The following LHFPL6 variants were observed in gnomAD, a reference collection of about 807,000 sequenced individuals.
LHFPL6 encodes the protein LHFPL tetraspan subfamily member 6 protein.
In LHFPL6, 9 loss-of-function variants were observed where a neutral mutation model predicts 20.6. The ratio of observed to expected loss-of-function variants is 0.44; its 90% CI spans 0.26 to 0.76. The LOEUF (loss-of-function observed/expected upper bound fraction) is 0.76, where lower values mean the gene tolerates loss of function less well. Among genes scored for constraint, LHFPL6 ranks in the 30% least tolerant of loss-of-function variants. The pLI is 0.20. For synonymous variants in LHFPL6, 105 were observed against 98.7 expected, an observed-to-expected ratio of 1.06 and a Z score of -0.38; for missense variants, 218 against 253.5, an observed-to-expected ratio of 0.86 and a Z score of 0.95.
chr13:39,486,364 T>C (rs987794304), intron 2 of LHFPL6, among the ~76,000 whole-genome samples: 2 of 152,162 alleles, frequency 1.3e-5, no homozygotes, highest in Admixed American at 6.5e-5. Flanking sequence ...GAGATAGTAA[T>C]GTTTTTGCTA....
At chr13:39,591,510 C>T (rs1406906606) in intron 2 of LHFPL6, among the ~76,000 whole-genome samples, 1 of 152,192 alleles carries the variant, frequency 6.6e-6, no homozygotes, top group African/African-American at 2.4e-5. Flanking sequence ...AATCACATCA[C>T]CCCCAAAATG....
chr13:39,513,486 A>G (rs1248398884), intron 2 of LHFPL6, among the ~76,000 whole-genome samples: 1 of 152,240 alleles, frequency 6.6e-6, no homozygotes, highest in Non-Finnish European at 1.5e-5. Flanking sequence ...TTGAAGGCTA[A>G]AACTATACAA....
chr13:39,523,364 T>C (rs1011020293), intron 2 of LHFPL6, among the ~76,000 whole-genome samples: 4 of 152,078 alleles, frequency 2.6e-5, no homozygotes, highest in South Asian at 2.1e-4. Flanking sequence ...GGTCAGGAGA[T>C]GGAGACCATC....
At position 39,432,412 on chromosome 13, in the gene LHFPL6, T is replaced by C. The variant is rs1041414607; in HGVS notation, c.386-53886A>G. 4.6e-5 allele frequency among the ~76,000 whole-genome samples: 7 copies of C among 152,166 alleles called. No individual in the cohort carries two copies. The East Asian group carries it at 1.4e-3, about 29-fold the overall frequency. ...CTCTGACCTCACATTCTACACATGC[T>C]ACCTTCCCTGCTGTCTCCCCTCAAT... On this transcript the variant is annotated intron_variant, in intron 2 of 3. Coordinates refer to ENST00000379589, the MANE Select transcript of LHFPL6 (RefSeq NM_005780.3).
rs530171405 is a variant in LHFPL6, at chr13:39,569,372, T to C, written c.385+31460A>G. 4.6e-4 allele frequency among the ~76,000 whole-genome samples: 70 copies of C among 152,318 alleles called. 1 individual carries two copies. Among genetic ancestry groups the C allele is most frequent in the East Asian group, 7.7e-4 (4 of 5,190 alleles). ...TGACAAGGACTTCAGCAAGCATAAATAGGCTAGATAGCCAGGTCTTGGAAC... is the reference window on the plus strand; with the variant it reads ...TGACAAGGACTTCAGCAAGCATAAACAGGCTAGATAGCCAGGTCTTGGAAC... On this transcript the variant is annotated intron_variant, in intron 2 of 3. Transcript: ENST00000379589.
At chr13:39,561,412 G>A (rs563516368) in intron 2 of LHFPL6, among the ~76,000 whole-genome samples, 1 of 152,140 alleles carries the variant, frequency 6.6e-6, no homozygotes, top group South Asian at 2.1e-4. Flanking sequence ...TTTGGACTTT[G>A]ACGAGAACCT....
chr13:39,363,459 A>G (rs1230536461), intron 3 of LHFPL6, among the ~76,000 whole-genome samples: 1 of 152,166 alleles, frequency 6.6e-6, no homozygotes, highest in Non-Finnish European at 1.5e-5. Context: ...TTGTAGTTCA[A>G]AAGCAACCAC....
At chr13:39,436,750 CA>C (rs1871968452) in intron 2 of LHFPL6, among the ~76,000 whole-genome samples, 1 of 152,252 alleles carries the variant, frequency 6.6e-6, no homozygotes, top group Admixed American at 6.5e-5. Context: ...GCAGGTTACA[CA>C]TCAATATCAC....
rs2138359725 is a variant in LHFPL6, at chr13:39,378,514, C to T, written c.398G>A (p.Gly133Asp). The T allele has an allele frequency of 6.2e-7, 1 of 1,613,796 alleles. No homozygotes were observed. The highest frequency in any genetic ancestry group is 2.2e-5 in the East Asian group (1 of 44,880). The change falls in exon 3 of 4, where the codon GGT becomes GAT. Residue 133 changes from glycine to aspartate, a missense_variant. By Grantham distance (94) the Gly-to-Asp change is moderately conservative. Coordinates refer to ENST00000379589, the MANE Select transcript of LHFPL6 (RefSeq NM_005780.3). Reference sequence around the variant, plus strand: ...CAAGGGGTAGAGGGCACAGCCAGCACCAATCAACAAGCCTGCAAAGAGATA... The same window carrying T: ...CAAGGGGTAGAGGGCACAGCCAGCATCAATCAACAAGCCTGCAAAGAGATA... ...GIQFLGGLLI[G>D]AGCALYPLGW...
intron 2 of LHFPL6, among the ~76,000 whole-genome samples, chr13:39,577,980 T>C (rs1298151695): frequency 2.0e-5 from 3 of 152,110 alleles, no homozygotes; most frequent in Admixed American, 1.3e-4. Flanking sequence ...TGACATTTGA[T>C]AATATTTTAA....
intron 2 of LHFPL6, among the ~76,000 whole-genome samples, chr13:39,399,731 C>T (rs969589189): frequency 5.9e-5 from 9 of 152,268 alleles, no homozygotes; most frequent in East Asian, 1.9e-4. Flanking sequence ...CTGGCATCAT[C>T]GGCACCTGAA....
In LHFPL6 at chr13:39,600,932, G is replaced by A. The variant is rs779120343; in HGVS notation, c.285C>T (p.Leu95=). ...CTIVTGLGCG[L]LLLVALTALM... ...GGGCAGTGAGCGCCACCAGGAGGAG[G>A]AGGCCACAACCCAGGCCGGTCACTA... Residue 95 remains leucine, a synonymous_variant, in exon 2 of 4, where the codon CTC becomes CTT. Coordinates refer to ENST00000379589, the MANE Select transcript of LHFPL6 (RefSeq NM_005780.3). 9 of 1,600,946 alleles carry A rather than the reference G, an allele frequency of 5.6e-6. No individual in the cohort carries two copies. Among genetic ancestry groups the A allele is most frequent in the South Asian group, 2.2e-5 (2 of 89,442 alleles).
chr13:39,562,559 T>TATAC lies in LHFPL6; in HGVS notation c.385+38272_385+38273insGTAT, dbSNP rs1566142140. On this transcript the variant is annotated intron_variant, in intron 2 of 3. Coordinates refer to ENST00000379589, the MANE Select transcript of LHFPL6 (RefSeq NM_005780.3). Reference sequence around the variant, plus strand: ...ATATACACATATACATATATACACATACATATACACATACATATATACACA... The same window carrying TATAC: ...ATATACACATATACATATATACACATATACACATATACACATACATATATACACA... Among the ~76,000 whole-genome samples the TATAC allele has an allele frequency of 2.5e-3, 201 of 81,412 alleles. 2 individuals carry two copies. Among genetic ancestry groups the TATAC allele is most frequent in the Non-Finnish European group, 3.8e-3 (120 of 31,290 alleles). The allele number at this position is 81,412 out of a possible 152,430, so 53.4% of individuals were successfully genotyped here. A position where few individuals can be genotyped will look rare whatever the true frequency, so the allele number is the denominator to read the frequency against.
Position 39,485,533 on chromosome 13 carries a change from A to C in LHFPL6, c.386-107007T>G, listed in dbSNP as rs138005759. 3.0e-3 allele frequency among the ~76,000 whole-genome samples: 458 copies of C among 152,316 alleles called. 6 individuals are homozygous for C. The highest frequency in any genetic ancestry group is 0.011 in the African/African-American group (437 of 41,578). On this transcript the variant is annotated intron_variant, in intron 2 of 3. Coordinates refer to ENST00000379589, the MANE Select transcript of LHFPL6 (RefSeq NM_005780.3). ...TGTTGCTTACTAGAGCCCTGATAGA[A>C]TTCTGGTAAATGCAAGACTAGAGAA...
At chr13:39,463,063 C>T (rs1379619536) in intron 2 of LHFPL6, among the ~76,000 whole-genome samples, 2 of 152,178 alleles carry the variant, frequency 1.3e-5, no homozygotes, top group African/African-American at 2.4e-5. Context: ...CTCTACCTCA[C>T]CCATAAGGCG....
chr13:39,443,719 C>T (rs1173497983), intron 2 of LHFPL6, among the ~76,000 whole-genome samples: 1 of 151,488 alleles, frequency 6.6e-6, no homozygotes, highest in Non-Finnish European at 1.5e-5. Flanking sequence ...ATAGATGGTC[C>T]CCAACTTAAA....
In LHFPL6 at chr13:39,360,182, G is replaced by A. The variant is rs577630736; in HGVS notation, c.485-16128C>T. ...ATTACAGGAGTCCGCCACCACGCCC[G>A]GCTAATTTTTGTATTTTTAGTAGAG... On this transcript the variant is annotated intron_variant, in intron 3 of 3. Transcript: ENST00000379589. Among the ~76,000 whole-genome samples, 35 of 96,254 alleles carry A rather than the reference G, an allele frequency of 3.6e-4. 12 individuals carry two copies. The highest frequency in any genetic ancestry group is 1.1e-3 in the African/African-American group (35 of 32,940). 63.1% of individuals were successfully genotyped at this position (96,254 alleles called of 152,430 possible). A position where few individuals can be genotyped will look rare whatever the true frequency, so the allele number is the denominator to read the frequency against.
chr13:39,499,971 C>G (rs1484948011), intron 2 of LHFPL6, among the ~76,000 whole-genome samples: 1 of 152,032 alleles, frequency 6.6e-6, no homozygotes, highest in Non-Finnish European at 1.5e-5. Context: ...GTCCAGGATT[C>G]TAGAAAGTTT....
intron 2 of LHFPL6, among the ~76,000 whole-genome samples, chr13:39,431,716 G>T (rs1023989345): frequency 2.9e-5 from 3 of 105,144 alleles, no homozygotes; most frequent in African/African-American, 4.1e-5. Context: ...TGTAGAATTT[G>T]TGGGGGGGGG....
Sources: gnomAD v4.1 joint callset for allele counts (sites outside exome capture counted in the v4.1 genomes callset) on GRCh38, gnomAD v4.1.1 for gene constraint, MANE v1.5 for transcripts, NCBI Gene and HGNC (gene_info 2026-07-23, HGNC 2026-07-21) for gene names.